USH2A: variants seen among roughly 807,000 people sequenced by gnomAD.
The protein encoded by USH2A is usherin.
In USH2A, 443 loss-of-function variants were observed where a neutral mutation model predicts 538.9. That is an observed-to-expected ratio of 0.82 (90% CI 0.76 to 0.89). USH2A has a LOEUF of 0.89. Ranked by LOEUF, USH2A falls within the 40% of genes least tolerant of loss-of-function variation. USH2A has a pLI of 0.00. For synonymous variants in USH2A, 2,413 were observed against 2,273.5 expected (o/e 1.06, Z -1.75); for missense variants, 6,633 against 6,324.8 (o/e 1.05, Z -1.65).
At chr1:215,992,951 T>A (rs999526236) in intron 35 of USH2A, 69 bp downstream of exon 35, 20 of 1,605,212 alleles carry the variant, frequency 1.2e-5, no homozygotes, top group Non-Finnish European at 1.5e-5. Context: ...ACATATAAGC[T>A]GCCATTTAGA....
chr1:215,972,396 G>C (rs149080962), intron 35 of USH2A, among the ~76,000 whole-genome samples: 7 of 152,220 alleles, frequency 4.6e-5, no homozygotes, highest in Non-Finnish European at 7.4e-5. Flanking sequence ...TCCCATAATG[G>C]TTCAAATGTC....
At chr1:216,406,265 G>A (rs2039393101) in intron 3 of USH2A, among the ~76,000 whole-genome samples, 1 of 152,296 alleles carries the variant, frequency 6.6e-6, no homozygotes, top group South Asian at 2.1e-4. Context: ...TATAAAAGAT[G>A]TTACTGATGA....
At position 215,637,902 on chromosome 1, in the gene USH2A, G is replaced by A. The variant is rs1396762419; in HGVS notation, c.15052+1253C>T. Among the ~76,000 whole-genome samples the A allele has an allele frequency of 2.6e-5, 4 of 151,698 alleles. No homozygotes were observed. The South Asian group carries it at 6.2e-4, about 24-fold the overall frequency. On this transcript the variant is annotated intron_variant, in intron 69 of 71. Coordinates refer to ENST00000307340, the MANE Select transcript of USH2A (RefSeq NM_206933.4). ...GAATTTAAAATAGGATATCAATCCC[G>A]AATCTGTTTTAGTGGAAAAGATTTG...
intron 21 of USH2A, among the ~76,000 whole-genome samples, chr1:216,103,139 A>T (rs986403159): frequency 1.3e-5 from 2 of 152,242 alleles, no homozygotes; most frequent in South Asian, 2.1e-4. Flanking sequence ...GTATGATGTT[A>T]GAAGTCTGGA....
At chr1:216,138,942 G>GTGTA (rs890696751) in intron 21 of USH2A, among the ~76,000 whole-genome samples, 24 of 144,850 alleles carry the variant, frequency 1.7e-4, no homozygotes, top group African/African-American at 6.1e-4. Flanking sequence ...GTGTGTGTGT[G>GTGTA]TATATATATG....
chr1:216,148,715 A>G (rs1011705300), intron 21 of USH2A, among the ~76,000 whole-genome samples: 2 of 151,904 alleles, frequency 1.3e-5, no homozygotes, highest in African/African-American at 4.8e-5. Flanking sequence ...TGTTTTGCCT[A>G]TACACCCTGT....
At chr1:216,099,332 A>G (rs753694841) in intron 21 of USH2A, among the ~76,000 whole-genome samples, 6 of 152,062 alleles carry the variant, frequency 3.9e-5, no homozygotes, top group Admixed American at 6.6e-5. Context: ...ACAGAATAGA[A>G]TTGTTTGCCC....
At chr1:215,760,336 T>C (rs1660945248) in intron 56 of USH2A, among the ~76,000 whole-genome samples, 1 of 152,154 alleles carries the variant, frequency 6.6e-6, no homozygotes, top group South Asian at 2.1e-4. Flanking sequence ...TGAAAGGATG[T>C]AATGCCTCAG....
chr1:215,958,548 C>G (rs901868406), intron 37 of USH2A, among the ~76,000 whole-genome samples: 1 of 152,046 alleles, frequency 6.6e-6, no homozygotes, highest in Admixed American at 6.6e-5. Context: ...GATATGGACT[C>G]CAATTATAAC....
chr1:215,735,294 T>C (rs1660125734), intron 60 of USH2A, among the ~76,000 whole-genome samples: 1 of 152,220 alleles, frequency 6.6e-6, no homozygotes, highest in African/African-American at 2.4e-5. Context: ...TTTCCTGTAG[T>C]TGCCACCTCC....
intron 21 of USH2A, among the ~76,000 whole-genome samples, chr1:216,161,714 T>G (rs1274229481): frequency 6.6e-6 from 1 of 152,122 alleles, no homozygotes. Context: ...ATGATAACTT[T>G]TTTCAACTCT....
intron 10 of USH2A, among the ~76,000 whole-genome samples, chr1:216,291,889 G>A (rs1381653776): frequency 1.3e-5 from 2 of 152,038 alleles, no homozygotes; most frequent in Non-Finnish European, 2.9e-5. Context: ...ATATGGTTGT[G>A]GTTTAGTCAA....
At chr1:216,236,905 C>A (rs1558335579) in intron 13 of USH2A, among the ~76,000 whole-genome samples, 1 of 152,026 alleles carries the variant, frequency 6.6e-6, no homozygotes. Flanking sequence ...ATGTGAATAC[C>A]CATGAAAGGC....
chr1:215,640,969 AG>A (rs1344796905), intron 67 of USH2A, among the ~76,000 whole-genome samples: 6 of 152,270 alleles, frequency 3.9e-5, no homozygotes, highest in African/African-American at 1.4e-4. Flanking sequence ...ATGCTTTCTC[AG>A]CAACTTTATG....
At chr1:216,412,314 T>C (rs1199044742) in intron 3 of USH2A, among the ~76,000 whole-genome samples, 3 of 152,150 alleles carry the variant, frequency 2.0e-5, no homozygotes, top group Non-Finnish European at 4.4e-5. Flanking sequence ...GAATAATTAC[T>C]TTTTTACTTG....
chr1:215,680,909 A>G (rs538549257), intron 61 of USH2A, among the ~76,000 whole-genome samples: 1 of 152,158 alleles, frequency 6.6e-6, no homozygotes, highest in Non-Finnish European at 1.5e-5. Context: ...ATTCAATAAA[A>G]CAAATAAACA....
At chr1:215,793,992 A>G (rs191413555) in intron 50 of USH2A, among the ~76,000 whole-genome samples, 81 of 152,334 alleles carry the variant, frequency 5.3e-4, no homozygotes, top group Admixed American at 4.6e-3. Context: ...TATATAAGCA[A>G]ACACTAAGAA....
intron 40 of USH2A, among the ~76,000 whole-genome samples, chr1:215,893,959 AT>A (rs1665265245): frequency 6.6e-6 from 1 of 152,166 alleles, no homozygotes; most frequent in Non-Finnish European, 1.5e-5. Context: ...TGTGGAGAAA[AT>A]CTATGCAACA....
In USH2A at chr1:216,144,085, T is replaced by C. The variant is rs369332490; in HGVS notation, c.4627+31167A>G. ...GGATCTTAAGTAGTGATGATTCCCT[T>C]TTATCTTCTAAGTATTATGAACATT... is the stretch of plus-strand genomic sequence containing the variant. On this transcript the variant is annotated intron_variant, in intron 21 of 71. Coordinates refer to ENST00000307340, the MANE Select transcript of USH2A (RefSeq NM_206933.4). 5.9e-5 allele frequency among the ~76,000 whole-genome samples: 9 copies of C among 152,330 alleles called. No individual in the cohort carries two copies. The East Asian group carries it at 1.3e-3, about 23-fold the overall frequency.
Sources: gnomAD v4.1 joint callset for allele counts (sites outside exome capture counted in the v4.1 genomes callset) on GRCh38, gnomAD v4.1.1 for gene constraint, MANE v1.5 for transcripts, NCBI Gene and HGNC (gene_info 2026-07-23, HGNC 2026-07-21) for gene names.